Variants in ENTHD1 observed in about 807,000 individuals in gnomAD.
ENTHD1 encodes the protein ENTH domain containing 1.
In ENTHD1, 23 loss-of-function variants were observed where a neutral mutation model predicts 39.1. The observed-to-expected ratio is 0.59, with a 90% CI of 0.42 to 0.83. The LOEUF (loss-of-function observed/expected upper bound fraction) is 0.83. ENTHD1 is among the 40% of genes least tolerant of loss of function. The pLI is 0.00. For missense variants in ENTHD1, 624 were observed against 705.4 expected, an observed-to-expected ratio of 0.88 and a Z score of 1.31; for synonymous variants, 230 against 258.2, an observed-to-expected ratio of 0.89 and a Z score of 1.05.
intron 1 of ENTHD1, among the ~76,000 whole-genome samples, chr22:39,890,583 G>GT (rs2066418940): frequency 6.6e-6 from 1 of 151,880 alleles, no homozygotes; most frequent in Non-Finnish European, 1.5e-5. Flanking sequence ...AAGAACAATC[G>GT]TAATTTTTAG....
intron 2 of ENTHD1, among the ~76,000 whole-genome samples, chr22:39,873,820 G>A (rs1455012793): frequency 1.3e-5 from 2 of 152,106 alleles, no homozygotes; most frequent in African/African-American, 4.8e-5. Flanking sequence ...ATAAATATCT[G>A]GAAGAAAACA....
intron 4 of ENTHD1, among the ~76,000 whole-genome samples, chr22:39,830,140 A>G (rs1422753252): frequency 6.6e-6 from 1 of 152,156 alleles, no homozygotes; most frequent in East Asian, 1.9e-4. Flanking sequence ...CAGTGGTGTA[A>G]TCTTAGCTCA....
intron 3 of ENTHD1, among the ~76,000 whole-genome samples, chr22:39,859,198 C>G (rs2066119861): frequency 1.3e-5 from 2 of 152,224 alleles, no homozygotes; most frequent in African/African-American, 4.8e-5. Flanking sequence ...GAACCTTGCT[C>G]TGGATTAGGC....
chr22:39,847,708 G>A lies in ENTHD1; in HGVS notation c.593-11750C>T, dbSNP rs73426196. Among the ~76,000 whole-genome samples, 567 of 152,080 alleles carry A rather than the reference G, an allele frequency of 3.7e-3. 6 individuals are homozygous for A. Among genetic ancestry groups the A allele is most frequent in the African/African-American group, 0.013 (545 of 41,492 alleles). On this transcript the variant is annotated intron_variant, in intron 3 of 6. Transcript: ENST00000325157. ...GGCATGAGCTACCACACCCAACGGG[G>A]AAAAACTTCTTGATATTGATCTGGG...
At chr22:39,783,831 G>A (rs1307738479) in intron 5 of ENTHD1, among the ~76,000 whole-genome samples, 1 of 152,100 alleles carries the variant, frequency 6.6e-6, no homozygotes, top group Non-Finnish European at 1.5e-5. Context: ...CTAGGACATG[G>A]GCCTGGGCAA....
In ENTHD1 at chr22:39,883,229, G is replaced by T. The variant is rs1294896881; in HGVS notation, c.349+4171C>A. On this transcript the variant is annotated intron_variant, in intron 2 of 6. Transcript: ENST00000325157. ...TAACTTGTATTTTTCTTGCTCTCTT[G>T]GTGGTCATAAATCATCAAGAGTACT... 2.0e-5 allele frequency among the ~76,000 whole-genome samples: 3 copies of T among 151,510 alleles called. No individual in the cohort carries two copies. In the East Asian group the frequency reaches 5.8e-4, roughly 29 times the overall value.
At chr22:39,847,862 G>A (rs1788895914) in intron 3 of ENTHD1, among the ~76,000 whole-genome samples, 1 of 152,144 alleles carries the variant, frequency 6.6e-6, no homozygotes, top group African/African-American at 2.4e-5. Context: ...AAACTTAGTG[G>A]CCTAAAACAA....
At chr22:39,847,044 G>T (rs1314018268) in intron 3 of ENTHD1, among the ~76,000 whole-genome samples, 33 of 152,018 alleles carry the variant, frequency 2.2e-4, no homozygotes, top group Admixed American at 2.2e-3. Flanking sequence ...CCATTACTGG[G>T]TATATACCCA....
At chr22:39,805,661 T>C (rs2065634841) in intron 5 of ENTHD1, among the ~76,000 whole-genome samples, 1 of 152,120 alleles carries the variant, frequency 6.6e-6, no homozygotes, top group Admixed American at 6.5e-5. Flanking sequence ...GCCAAGCAGG[T>C]CCCCAGAACT....
intron 1 of ENTHD1, among the ~76,000 whole-genome samples, chr22:39,889,836 C>G (rs1435873982): frequency 6.6e-6 from 1 of 152,068 alleles, no homozygotes; most frequent in African/African-American, 2.4e-5. Flanking sequence ...GTGGCTCACA[C>G]CTGTAATCCT....
chr22:39,848,030 T>C (rs1449936657), intron 3 of ENTHD1, among the ~76,000 whole-genome samples: 1 of 152,348 alleles, frequency 6.6e-6, no homozygotes, highest in East Asian at 1.9e-4. Flanking sequence ...TCAATCCAGC[T>C]GTTGGCAGAA....
intron 5 of ENTHD1, among the ~76,000 whole-genome samples, chr22:39,806,844 G>A (rs2065644633): frequency 6.6e-6 from 1 of 152,218 alleles, no homozygotes; most frequent in Admixed American, 6.5e-5. Context: ...GAATGAGCAA[G>A]ATTCAGACAA....
At chr22:39,799,664 TGCGCATG>T (rs1402755637) in intron 5 of ENTHD1, among the ~76,000 whole-genome samples, 6 of 152,202 alleles carry the variant, frequency 3.9e-5, no homozygotes, top group African/African-American at 1.4e-4. Flanking sequence ...ATTCGTCCAG[TGCGCATG>T]CAAGCTCTTA....
intron 5 of ENTHD1, 65 bp from the exon 6 acceptor site, chr22:39,765,674 G>C: frequency 7.1e-7 from 1 of 1,403,568 alleles, no homozygotes; most frequent in Non-Finnish European, 9.5e-7. Context: ...TTTCAAATCT[G>C]TTATAATTTT....
chr22:39,764,059 G>A (rs1322083427), intron 6 of ENTHD1, among the ~76,000 whole-genome samples: 2 of 152,108 alleles, frequency 1.3e-5, no homozygotes, highest in African/African-American at 4.8e-5. Context: ...AAAATCTTTT[G>A]TTACTCATTG....
At chr22:39,864,451 C>G (rs1037326721) in intron 2 of ENTHD1, among the ~76,000 whole-genome samples, 3 of 152,160 alleles carry the variant, frequency 2.0e-5, no homozygotes, top group Non-Finnish European at 4.4e-5. Flanking sequence ...ACTCTCTATT[C>G]CTTTATCCTG....
chr22:39,778,054 T>C (rs953735852), intron 5 of ENTHD1, among the ~76,000 whole-genome samples: 2 of 152,200 alleles, frequency 1.3e-5, no homozygotes, highest in African/African-American at 2.4e-5. Context: ...TATAGAAGAC[T>C]GAAAATGTAA....
chr22:39,770,605 G>A (rs6001678), intron 5 of ENTHD1, among the ~76,000 whole-genome samples: 79,749 of 151,950 alleles, frequency 0.52, 23,503 homozygotes, highest in African/African-American at 0.8. Context: ...CCATGGGTAT[G>A]TGTATGATAA....
chr22:39,756,345 C>T (rs1283818881), intron 6 of ENTHD1, among the ~76,000 whole-genome samples: 2 of 151,798 alleles, frequency 1.3e-5, no homozygotes, highest in Admixed American at 1.3e-4. Flanking sequence ...CACACGCACA[C>T]ACTTTTTCAG....
Sources: allele counts gnomAD v4.1 joint callset (sites outside exome capture counted in the v4.1 genomes callset), GRCh38; gene constraint gnomAD v4.1.1; transcripts MANE v1.5; gene names NCBI Gene and HGNC (gene_info 2026-07-23, HGNC 2026-07-21).